The following ZFYVE16 variants were observed in gnomAD, a reference collection of about 807,000 sequenced individuals.
ZFYVE16 encodes the protein zinc finger FYVE domain-containing protein 16.
ZFYVE16 carries 89 observed loss-of-function variants against 138.1 expected under a neutral mutation model. That is an observed-to-expected ratio of 0.64 (90% CI 0.54 to 0.77). The LOEUF is 0.77. Among genes scored for constraint, ZFYVE16 ranks in the 30% least tolerant of loss-of-function variants. The pLI, the probability that ZFYVE16 is intolerant of heterozygous loss-of-function variation, is 0.00. For synonymous variants in ZFYVE16, 596 were observed against 618.3 expected, an observed-to-expected ratio of 0.96 and a Z score of 0.53; for missense variants, 1,793 against 1,786.7, an observed-to-expected ratio of 1.00 and a Z score of -0.06.
At chr5:80,443,957 A>G in intron 6 of ZFYVE16, 3 of 377,226 alleles carry the variant, frequency 8.0e-6, no homozygotes, top group South Asian at 3.9e-5. Context: ...CTTAAAATCT[A>G]TTTTTAATTG....
At position 80,449,677 on chromosome 5, in the gene ZFYVE16, A is replaced by G; in HGVS notation, c.3190A>G (p.Asn1064Asp). The G allele has an allele frequency of 1.2e-6, 2 of 1,608,750 alleles. No individual in the cohort carries two copies. The highest frequency in any genetic ancestry group is 1.7e-6 in the Non-Finnish European group (2 of 1,177,764). The change falls in exon 9 of 19, where the codon AAT (asparagine) becomes GAT (aspartate). Residue 1064 changes from asparagine (N) to aspartate (D), a missense_variant. Around this residue, in one of 2 missense-constraint regions of ZFYVE16, gnomAD observed 498 missense variants for 582.4 expected, o/e 0.86. Coordinates refer to ENST00000505560, the MANE Select transcript of ZFYVE16 (RefSeq NM_001284236.3). ...ESFHPVTFVL[N>D]ANLLVNVKFI... ...CTTTCATCCTGTTACATTTGTCCTAAATGCTAATCTACTCGTGAATGTCAA... is the reference window on the plus strand; with the variant it reads ...CTTTCATCCTGTTACATTTGTCCTAGATGCTAATCTACTCGTGAATGTCAA...
At chr5:80,473,910 G>A (rs773416928) in intron 17 of ZFYVE16, 51 bp downstream of exon 17, 6 of 1,414,618 alleles carry the variant, frequency 4.2e-6, no homozygotes, top group Admixed American at 3.6e-5. Context: ...TATGATTTTT[G>A]TTCTTTGGAG....
chr5:80,477,181 T>C, intron 18 of ZFYVE16, 38 bp from the exon 19 acceptor site: 1 of 1,529,972 alleles, frequency 6.5e-7, no homozygotes, highest in Non-Finnish European at 8.8e-7. Flanking sequence ...TTAAACAAGA[T>C]TGCTCATTTT....
rs1000117421 is a variant in ZFYVE16, at chr5:80,441,449, G to A, written c.2419+1417G>A. On this transcript the variant is annotated intron_variant, in intron 5 of 18. Transcript: ENST00000505560. ...TATAGCATATAGTTTCATTTATGGT[G>A]CTATTTGTCATTAATTCATATGCCA... 4.1e-6 allele frequency: 4 copies of A among 985,064 alleles called. No individual in the cohort carries two copies. In the Admixed American group the frequency reaches 1.8e-4, roughly 45 times the overall value. 61.0% of individuals were successfully genotyped at this position (985,064 alleles called of 1,614,324 possible).
At chr5:80,461,199 A>G (rs1753070057) in intron 15 of ZFYVE16, among the ~76,000 whole-genome samples, 1 of 152,178 alleles carries the variant, frequency 6.6e-6, no homozygotes, top group Admixed American at 6.5e-5. Context: ...TGCTAAGTAT[A>G]TAATGCAAAT....
chr5:80,437,942 CA>C lies in ZFYVE16; in HGVS notation c.1258del (p.Ser420ValfsTer4), dbSNP rs751277497. 6.8e-6 allele frequency: 11 copies of C among 1,613,956 alleles called. No individual in the cohort carries two copies. The highest frequency in any genetic ancestry group is 9.3e-6 in the Non-Finnish European group (11 of 1,179,940). ...TGACTATACATGAAGAAATACAGAA[CA>C]GTGTTGTTCTAGGTGGGGAACCATT... ...AVTIHEEIQN[S>X]VVLGGEPFKE... On this transcript the variant is annotated frameshift_variant, in exon 4 of 19. Coordinates refer to ENST00000505560, the MANE Select transcript of ZFYVE16 (RefSeq NM_001284236.3). LOFTEE classifies it high-confidence loss of function.
In ZFYVE16 at chr5:80,470,101, A is replaced by AT. The variant is rs1185797719; in HGVS notation, c.4025-2642dup. Among the ~76,000 whole-genome samples, 438 of 108,534 alleles carry AT rather than the reference A, an allele frequency of 4.0e-3. 13 individuals carry two copies. Among genetic ancestry groups the AT allele is most frequent in the African/African-American group, 8.9e-3 (211 of 23,644 alleles). The allele number at this position is 108,534 out of a possible 152,430, so 71.2% of individuals were successfully genotyped here. On this transcript the variant is annotated intron_variant, in intron 15 of 18. Coordinates refer to ENST00000505560, the MANE Select transcript of ZFYVE16 (RefSeq NM_001284236.3). ...TGTGTGTGTGTGTGTGTGTGTGTGT[A>AT]TTTTTTTTTTTTTTTTTTGAGACAG...
intron 1 of ZFYVE16, among the ~76,000 whole-genome samples, chr5:80,426,017 T>C (rs993792998): frequency 3.3e-5 from 5 of 152,280 alleles, no homozygotes; most frequent in Admixed American, 6.5e-5. Context: ...AGTAATTATT[T>C]TGTTACAAAG....
chr5:80,429,904 A>T (rs1458397939), intron 2 of ZFYVE16, among the ~76,000 whole-genome samples: 4 of 152,198 alleles, frequency 2.6e-5, no homozygotes, highest in Admixed American at 1.3e-4. Flanking sequence ...CTAAATATAT[A>T]TGCACCCAAT....
intron 10 of ZFYVE16, 66 bp from the exon 11 acceptor site, chr5:80,451,419 A>G: frequency 2.3e-6 from 3 of 1,332,978 alleles, no homozygotes; most frequent in South Asian, 1.4e-5. Flanking sequence ...TGGACAAACT[A>G]AGAACATTTC....
At position 80,459,402 on chromosome 5, in the gene ZFYVE16, TTTCTTGA is replaced by T. The variant is rs773234333; in HGVS notation, c.3944-10_3944-4del. 15 of 1,607,654 alleles carry T rather than the reference TTTCTTGA, an allele frequency of 9.3e-6. No homozygotes were observed. The highest frequency in any genetic ancestry group is 1.3e-5 in the African/African-American group (1 of 74,698). ...CAGTTTAAAACAAATAATTGTTGTA[TTTCTTGA>T]TCAGTGACAGGTGCAAGTTTTGTGG... is the stretch of plus-strand genomic sequence containing the variant. On this transcript the variant is annotated splice_region_variant and splice_polypyrimidine_tract_variant and intron_variant, in intron 14 of 18. Coordinates refer to ENST00000505560, the MANE Select transcript of ZFYVE16 (RefSeq NM_001284236.3).
chr5:80,448,173 G>C lies in ZFYVE16; in HGVS notation c.2872G>C (p.Gly958Arg). 6.2e-7 allele frequency: 1 copy of C among 1,613,790 alleles called. No individual in the cohort carries two copies. Among genetic ancestry groups the C allele is most frequent in the African/African-American group, 1.3e-5 (1 of 74,964 alleles). The stretch of plus-strand genomic sequence containing the variant: ...ATTGTCTATGAACACAGGAAATGAG[G>C]GGTTACCTACTTCTGGTTCATTTAC... ...EKLSMNTGNE[G>R]LPTSGSFTLD... Residue 958 changes from glycine to arginine, a missense_variant, in exon 8 of 19, where the codon GGG becomes CGG. Physicochemically the swap from Gly to Arg is moderately radical, Grantham distance 125. This residue lies in a region of ZFYVE16 where 1,295 missense variants were observed against 1,204.3 expected (regional missense o/e 1.08). Transcript: ENST00000505560.
rs139785127 is a variant in ZFYVE16 at position 80,457,018 on chromosome 5, C to G, written c.3869C>G (p.Ser1290Cys). The G allele has an allele frequency of 6.2e-7, 1 of 1,612,584 alleles. No homozygotes were observed. Among genetic ancestry groups the G allele is most frequent in the African/African-American group, 1.3e-5 (1 of 74,940 alleles). ...GCAAGTTTCAGTACAGAAGCAGATT[C>G]TCATCTAGTCTGTATACAGAATGAT... ...IGASFSTEADSHLVCIQNDGI... is the reference protein window; with the variant it reads ...IGASFSTEADCHLVCIQNDGI... Residue 1290 changes from serine to cysteine, a missense_variant, in exon 14 of 19, where the codon TCT becomes TGT. Physicochemically the swap from Ser to Cys is moderately radical, Grantham distance 112 (BLOSUM62 -1). This residue lies in a region of ZFYVE16 where 498 missense variants were observed against 582.4 expected (regional missense o/e 0.86). Transcript: ENST00000505560.
Position 80,477,256 on chromosome 5 carries a change from C to T in ZFYVE16, c.4499C>T (p.Pro1500Leu). The T allele has an allele frequency of 1.2e-6, 2 of 1,603,726 alleles. No individual in the cohort carries two copies. The highest frequency in any genetic ancestry group is 1.1e-5 in the South Asian group (1 of 89,030). Residue 1500 changes from proline to leucine, a missense_variant, in exon 19 of 19, where the codon CCT becomes CTT. Pro to Leu is a moderately conservative substitution (Grantham distance 98, BLOSUM62 -3). Coordinates refer to ENST00000505560, the MANE Select transcript of ZFYVE16 (RefSeq NM_001284236.3). ...FQAGSEGQLL[P>L]QHYLNDLDSA... ...GCAGGATCTGAAGGCCAACTTCTGC[C>T]TCAGCATTATCTAAATGATCTTGAT...
At position 80,467,951 on chromosome 5, in the gene ZFYVE16, A is replaced by G. The variant is rs555029669; in HGVS notation, c.4025-4810A>G. Among the ~76,000 whole-genome samples, 5 of 152,326 alleles carry G rather than the reference A, an allele frequency of 3.3e-5. No individual in the cohort carries two copies. In the South Asian group the frequency reaches 1.0e-3, roughly 32 times the overall value. On this transcript the variant is annotated intron_variant, in intron 15 of 18. Transcript: ENST00000505560. The stretch of plus-strand genomic sequence containing the variant: ...CAATAGAAATGATCAAATTATAAGA[A>G]AAAAATATATATAAATTCTGGAGTT...
intron 2 of ZFYVE16, among the ~76,000 whole-genome samples, chr5:80,432,723 A>G (rs983819638): frequency 1.3e-5 from 2 of 152,188 alleles, no homozygotes; most frequent in South Asian, 4.1e-4. Context: ...CTACAAAAAA[A>G]CTCAAACAAA....
rs1755138748 is a variant in ZFYVE16 at position 80,478,882 on chromosome 5, C to G, written c.*1505C>G. On this transcript the variant is annotated 3_prime_UTR_variant, in exon 19 of 19. Coordinates refer to ENST00000505560, the MANE Select transcript of ZFYVE16 (RefSeq NM_001284236.3). ...AACAATGTAAAGTGTCGCAGATATT[C>G]AATAAAATGGCAACCTGTTATAATT... is the stretch of plus-strand genomic sequence containing the variant. 6.6e-6 allele frequency: 1 copy of G among 152,008 alleles called. No individual in the cohort carries two copies. Among genetic ancestry groups the G allele is most frequent in the African/African-American group, 2.4e-5 (1 of 41,392 alleles). 9.4% of individuals were successfully genotyped at this position (152,008 alleles called of 1,614,324 possible).
intron 15 of ZFYVE16, among the ~76,000 whole-genome samples, chr5:80,469,642 ATGTG>A (rs1344552836): frequency 2.0e-5 from 3 of 151,702 alleles, no homozygotes; most frequent in Non-Finnish European, 2.9e-5. Flanking sequence ...CTGTCACTGT[ATGTG>A]TGTGTGTGAG....
intron 15 of ZFYVE16, among the ~76,000 whole-genome samples, chr5:80,465,945 G>A (rs1753704318): frequency 6.8e-6 from 1 of 147,802 alleles, no homozygotes; most frequent in Non-Finnish European, 1.5e-5. Flanking sequence ...TTTTTTTTGA[G>A]ATGGAGTTTC....
Sources: allele counts gnomAD v4.1 joint callset (sites outside exome capture counted in the v4.1 genomes callset), GRCh38; gene constraint gnomAD v4.1.1; regional missense constraint gnomAD v4.1.1; transcripts MANE v1.5; gene names NCBI Gene and HGNC (gene_info 2026-07-23, HGNC 2026-07-21).